Variants in DIAPH2 observed in about 807,000 individuals in gnomAD.
The protein encoded by DIAPH2 is diaphanous related formin 2.
A neutral mutation model predicts 92.7 loss-of-function variants in DIAPH2; 35 were observed. That is an observed-to-expected ratio of 0.38 (90% CI 0.29 to 0.50). The LOEUF is 0.50. Among genes scored for constraint, DIAPH2 ranks in the 20% least tolerant of loss-of-function variants. The pLI, the probability that DIAPH2 is intolerant of heterozygous loss-of-function variation, is 0.94. For missense variants in DIAPH2, 701 were observed against 819.5 expected (o/e 0.86, Z 1.77); for synonymous variants, 301 against 280.4 (o/e 1.07, Z -0.73).
intron 22 of DIAPH2, among the ~76,000 whole-genome samples, chrX:97,151,758 A>G (rs759796951): frequency 5.4e-5 from 6 of 111,774 alleles, no homozygotes; most frequent in Non-Finnish European, 9.4e-5. Flanking sequence ...TAGGAATATT[A>G]GTCAGCTTTA....
In DIAPH2 at chrX:97,077,089, C is replaced by T. The variant is rs964622652; in HGVS notation, c.2247+1828C>T. On this transcript the variant is annotated intron_variant, in intron 19 of 26. Coordinates refer to ENST00000324765, the MANE Select transcript of DIAPH2 (RefSeq NM_006729.5). Reference sequence around the variant, plus strand: ...TAATTGGAATTGTGCTACTTGGGTACGGGTGTAGGGCCTAAGTGGCGAGTA... The same window carrying T: ...TAATTGGAATTGTGCTACTTGGGTATGGGTGTAGGGCCTAAGTGGCGAGTA... Among the ~76,000 whole-genome samples the T allele has an allele frequency of 1.3e-4, 14 of 111,559 alleles. No homozygotes were observed. The East Asian group carries it at 2.3e-3, about 18-fold the overall frequency.
chrX:96,934,606 T>C (rs1343028173), intron 10 of DIAPH2, among the ~76,000 whole-genome samples: 1 of 111,632 alleles, frequency 9.0e-6, no homozygotes, highest in Admixed American at 9.5e-5. Flanking sequence ...TCTTTAAAAA[T>C]TTATTTTCAA....
chrX:97,595,680 A>C (rs2071546495), intron 26 of DIAPH2, among the ~76,000 whole-genome samples: 1 of 105,406 alleles, frequency 9.5e-6, no homozygotes, highest in South Asian at 4.3e-4. Flanking sequence ...CTTGTTGCCC[A>C]GGCTGGCAAT....
At chrX:97,457,360 G>GT (rs1426135966) in intron 26 of DIAPH2, among the ~76,000 whole-genome samples, 1 of 112,721 alleles carries the variant, frequency 8.9e-6, no homozygotes, top group Admixed American at 9.3e-5. Context: ...ACCAAACAAA[G>GT]TTGATTCATT....
chrX:97,474,796 TAAAG>T (rs2070591426), intron 26 of DIAPH2, among the ~76,000 whole-genome samples: 1 of 110,382 alleles, frequency 9.1e-6, no homozygotes, highest in East Asian at 2.8e-4. Context: ...ATAGTAATAA[TAAAG>T]AACAGGGTAG....
intron 11 of DIAPH2, 44 bp downstream of exon 11, chrX:96,937,395 GA>G (rs1014131539): frequency 2.3e-6 from 2 of 876,401 alleles, no homozygotes; most frequent in African/African-American, 4.0e-5. Flanking sequence ...TGCATTGTGA[GA>G]AAGGGATTTG....
intron 26 of DIAPH2, among the ~76,000 whole-genome samples, chrX:97,571,396 G>A (rs1483579014): frequency 9.0e-6 from 1 of 111,411 alleles, no homozygotes; most frequent in African/African-American, 3.3e-5. Context: ...ATTTTACATT[G>A]GGAATATAGG....
chrX:97,129,295 T>C (rs1191081834), intron 21 of DIAPH2, among the ~76,000 whole-genome samples: 1 of 108,155 alleles, frequency 9.2e-6, no homozygotes, highest in Non-Finnish European at 1.9e-5. Flanking sequence ...GCCTCCCGAG[T>C]AGCTGAGACT....
At chrX:97,128,783 T>A (rs184612014) in intron 21 of DIAPH2, among the ~76,000 whole-genome samples, 4 of 112,244 alleles carry the variant, frequency 3.6e-5, no homozygotes, top group African/African-American at 1.3e-4. Context: ...AATAGAGCCT[T>A]TGTGTTACTT....
At chrX:97,501,204 C>T (rs1430335179) in intron 26 of DIAPH2, among the ~76,000 whole-genome samples, 2 of 110,581 alleles carry the variant, frequency 1.8e-5, no homozygotes, top group African/African-American at 6.6e-5. Context: ...CCACACTGTA[C>T]GAAGATATAT....
intron 5 of DIAPH2, among the ~76,000 whole-genome samples, chrX:96,901,878 G>A (rs829288): frequency 0.39 from 42,602 of 109,767 alleles, 7,144 homozygotes; most frequent in South Asian, 0.53. Context: ...TGTGACATTA[G>A]GTTGTCAATT....
chrX:97,405,285 G>A lies in DIAPH2; in HGVS notation c.3145+21241G>A, dbSNP rs919989726. 5.3e-5 allele frequency among the ~76,000 whole-genome samples: 6 copies of A among 112,317 alleles called. No individual in the cohort carries two copies. The South Asian group carries it at 2.2e-3, about 41-fold the overall frequency. On this transcript the variant is annotated intron_variant, in intron 25 of 26. Transcript: ENST00000324765. ...TACCTCAAAGATGTTTCATTAAAAT[G>A]ACAAGATAAGCTCCCTCGCATCCCT...
intron 26 of DIAPH2, among the ~76,000 whole-genome samples, chrX:97,539,082 A>G (rs1055249126): frequency 1.8e-5 from 2 of 112,267 alleles, no homozygotes; most frequent in African/African-American, 6.5e-5. Context: ...TCACTGCATT[A>G]AGACAACTGG....
chrX:97,083,785 G>T lies in DIAPH2; in HGVS notation c.2247+8524G>T, dbSNP rs191813047. Among the ~76,000 whole-genome samples, 5 of 111,944 alleles carry T rather than the reference G, an allele frequency of 4.5e-5. No homozygotes were observed. In the East Asian group the frequency reaches 1.4e-3, roughly 31 times the overall value. On this transcript the variant is annotated intron_variant, in intron 19 of 26. Coordinates refer to ENST00000324765, the MANE Select transcript of DIAPH2 (RefSeq NM_006729.5). ...ATTTTCCGTGTTTATTATAAACTTC[G>T]TGACAGGTTTTGGACATTTAATTAG...
At chrX:97,479,643 A>G (rs890500864) in intron 26 of DIAPH2, among the ~76,000 whole-genome samples, 2 of 112,206 alleles carry the variant, frequency 1.8e-5, no homozygotes, top group African/African-American at 6.5e-5. Flanking sequence ...GGCCTCATCT[A>G]TAAAATGAAT....
chrX:97,218,713 G>A (rs979094340), intron 22 of DIAPH2, among the ~76,000 whole-genome samples: 3 of 111,289 alleles, frequency 2.7e-5, no homozygotes, highest in Non-Finnish European at 5.7e-5. Flanking sequence ...GATATAAAAT[G>A]GCCTAATATT....
chrX:97,071,622 A>C (rs887408709), intron 17 of DIAPH2, among the ~76,000 whole-genome samples: 1 of 111,532 alleles, frequency 9.0e-6, no homozygotes, highest in East Asian at 2.8e-4. Context: ...TTTCTGTAGC[A>C]TGCTCATTTA....
intron 17 of DIAPH2, among the ~76,000 whole-genome samples, chrX:96,996,166 A>T (rs182602594): frequency 2.7e-5 from 3 of 112,033 alleles, no homozygotes; most frequent in African/African-American, 9.7e-5. Context: ...TCATCCTCAG[A>T]TTGCTTCATT....
At chrX:97,268,856 CTTTTTTTTTTT>C (rs747116851) in intron 23 of DIAPH2, among the ~76,000 whole-genome samples, 1 of 86,913 alleles carries the variant, frequency 1.2e-5, no homozygotes, top group Admixed American at 1.3e-4. Context: ...TCTTTTCTTT[CTTTTTTTTTTT>C]TTTTTTTGAG....
Sources: allele counts gnomAD v4.1 joint callset (sites outside exome capture counted in the v4.1 genomes callset), GRCh38; gene constraint gnomAD v4.1.1; transcripts MANE v1.5; gene names NCBI Gene and HGNC (gene_info 2026-07-23, HGNC 2026-07-21).